The following XKRX variants were observed in gnomAD, a reference collection of about 807,000 sequenced individuals.
The protein encoded by XKRX is XK-related protein 2.
In XKRX, 11 loss-of-function variants were observed where a neutral mutation model predicts 22.4. The observed-to-expected ratio is 0.49, with a 90% CI of 0.31 to 0.81. The LOEUF (loss-of-function observed/expected upper bound fraction) is 0.81, where lower values mean the gene tolerates loss of function less well. XKRX is among the 40% of genes least tolerant of loss of function. The pLI is 0.05. For missense variants in XKRX, 320 were observed against 336.5 expected, an observed-to-expected ratio of 0.95 and a Z score of 0.38; for synonymous variants, 114 against 132.2, an observed-to-expected ratio of 0.86 and a Z score of 0.94.
chrX:100,942,746 G>A, the XKRX span, among the ~76,000 whole-genome samples: 1 of 111,599 alleles, frequency 9.0e-6, no homozygotes, highest in African/African-American at 3.3e-5. Flanking sequence ...AAACATGACT[G>A]AGAAGTGCTA....
At chrX:100,903,663 T>A in the XKRX span, among the ~76,000 whole-genome samples, 1 of 112,142 alleles carries the variant, frequency 8.9e-6, no homozygotes, top group Admixed American at 9.5e-5. Flanking sequence ...TGTAGTAGTA[T>A]CTTGTTGTTG....
chrX:100,938,752 T>C, the XKRX span, among the ~76,000 whole-genome samples: 14 of 112,264 alleles, frequency 1.2e-4, no homozygotes, highest in African/African-American at 4.5e-4. Flanking sequence ...ACTCCCTATT[T>C]AAGCATGGCA....
the XKRX span, among the ~76,000 whole-genome samples, chrX:100,945,806 CAAAAAAAAAA>C: frequency 4.7e-4 from 15 of 31,846 alleles, no homozygotes; most frequent in African/African-American, 1.6e-3. Context: ...ATTCTGTCTC[CAAAAAAAAAA>C]AAAAAAAAAA....
At chrX:100,889,542 CAG>C in the XKRX span, among the ~76,000 whole-genome samples, 28 of 110,681 alleles carry the variant, frequency 2.5e-4, no homozygotes, top group African/African-American at 8.5e-4. Flanking sequence ...TGGCTAAAAA[CAG>C]GGGGAATGTT....
chrX:100,956,562 T>C, the XKRX span: 1 of 426,186 alleles, frequency 2.3e-6, no homozygotes, highest in Non-Finnish European at 4.2e-6. Context: ...AAGTTAGAGG[T>C]GAGGGGAGTG....
At chrX:100,908,203 A>G in the XKRX span, among the ~76,000 whole-genome samples, 2 of 105,092 alleles carry the variant, frequency 1.9e-5, no homozygotes, top group African/African-American at 7.0e-5. Context: ...GCTCACTGCA[A>G]CCTCCTGGGC....
chrX:100,928,919 C>T (rs57910525), upstream of XKRX: 4,942 of 685,905 alleles, frequency 7.2e-3, 197 homozygotes, highest in African/African-American at 0.11. Flanking sequence ...GGACCTTTGC[C>T]GAGTCCAGGG....
the XKRX span, among the ~76,000 whole-genome samples, chrX:100,898,594 C>CAA: frequency 3.4e-3 from 289 of 85,690 alleles, no homozygotes; most frequent in African/African-American, 0.012. Flanking sequence ...TAAACAACAA[C>CAA]AACAAAAAAA....
At chrX:100,949,331 A>G in the XKRX span, among the ~76,000 whole-genome samples, 1 of 106,796 alleles carries the variant, frequency 9.4e-6, no homozygotes, top group African/African-American at 3.4e-5. Flanking sequence ...GACTGCCTGC[A>G]AAAAAGGAAA....
chrX:100,950,906 A>G, the XKRX span, among the ~76,000 whole-genome samples: 2 of 111,787 alleles, frequency 1.8e-5, no homozygotes, highest in Non-Finnish European at 3.8e-5. Flanking sequence ...TGGTGACAAC[A>G]AAATTTATAG....
At chrX:100,901,631 G>A in the XKRX span, among the ~76,000 whole-genome samples, 2 of 111,855 alleles carry the variant, frequency 1.8e-5, no homozygotes, top group Non-Finnish European at 3.8e-5. Flanking sequence ...TGACCTAATG[G>A]ACATTTACAA....
chrX:100,945,806 C>CA, the XKRX span, among the ~76,000 whole-genome samples: 2,261 of 30,070 alleles, frequency 0.075, 9 homozygotes, highest in Non-Finnish European at 0.096. Context: ...ATTCTGTCTC[C>CA]AAAAAAAAAA....
the XKRX span, among the ~76,000 whole-genome samples, chrX:100,945,762 G>C: frequency 1.1e-5 from 1 of 93,012 alleles, no homozygotes; most frequent in Non-Finnish European, 2.1e-5. Context: ...AGCCGAGATC[G>C]TGCCACTGCA....
intron 2 of XKRX, 103 bp from the exon 3 acceptor site, chrX:100,915,186 T>C: frequency 2.2e-6 from 2 of 898,455 alleles, no homozygotes; most frequent in South Asian, 5.2e-5. Flanking sequence ...GGGTGAGACT[T>C]GAGAGCTCCA....
the XKRX span, among the ~76,000 whole-genome samples, chrX:100,949,337 G>C: frequency 1.9e-5 from 2 of 104,819 alleles, no homozygotes; most frequent in African/African-American, 6.9e-5. Context: ...CTGCAAAAAA[G>C]GAAAAAGAAA....
chrX:100,903,000 C>T, the XKRX span, among the ~76,000 whole-genome samples: 10 of 108,844 alleles, frequency 9.2e-5, no homozygotes, highest in East Asian at 2.9e-4. Flanking sequence ...CCACCCACCT[C>T]GGCCTCCCAG....
At chrX:100,887,997 C>T in the XKRX span, 1 of 1,085,927 alleles carries the variant, frequency 9.2e-7, no homozygotes, top group Non-Finnish European at 1.3e-6. Flanking sequence ...ACCAAAGTTT[C>T]CAGAACCACT....
chrX:100,922,675 T>C (rs1305002514), intron 2 of XKRX, 118 bp downstream of exon 2: 2 of 751,108 alleles, frequency 2.7e-6, no homozygotes, highest in Admixed American at 7.9e-5. Flanking sequence ...TTTAATTTTA[T>C]TTAATTTTAA....
chrX:100,900,632 C>T, the XKRX span, among the ~76,000 whole-genome samples: 1,271 of 108,172 alleles, frequency 0.012, 14 homozygotes, highest in African/African-American at 0.041. Context: ...CGAGACCTCG[C>T]TTCTGTAAAA....
Sources: allele counts gnomAD v4.1 joint callset (sites outside exome capture counted in the v4.1 genomes callset), GRCh38; gene constraint gnomAD v4.1.1; transcripts MANE v1.5; gene names NCBI Gene and HGNC (gene_info 2026-07-23, HGNC 2026-07-21).